CLCN7: variants seen among roughly 807,000 people sequenced by gnomAD.
CLCN7 encodes the protein Cl-/H+ antiporter 7.
A neutral mutation model predicts 102.1 loss-of-function variants in CLCN7; 60 were observed. The ratio of observed to expected loss-of-function variants is 0.59; its 90% CI spans 0.48 to 0.73. The LOEUF is 0.73. CLCN7 is among the 30% of genes least tolerant of loss of function. The pLI, the probability that CLCN7 is intolerant of heterozygous loss-of-function variation, is 0.00. For synonymous variants in CLCN7, 560 were observed against 490.5 expected (o/e 1.14, Z -1.87); for missense variants, 962 against 1,125.7 (o/e 0.85, Z 2.08).
At chr16:1,451,141 G>A (rs940589333) in intron 16 of CLCN7, among the ~76,000 whole-genome samples, 2 of 152,244 alleles carry the variant, frequency 1.3e-5, no homozygotes, top group African/African-American at 4.8e-5. Context: ...CGCGGTCTGC[G>A]CTTCCGTGAA....
In CLCN7 at chr16:1,447,687, G is replaced by A. The variant is rs1210998009; in HGVS notation, c.2041C>T (p.Arg681Cys). The stretch of plus-strand genomic sequence containing the variant: ...TTTAGGAGAACGATGAGCTGGGAGC[G>A]CAGGATCAGGCCCTGGAGCCGGGCA... ...QPARLQGLIL[R>C]SQLIVLLKHK... Residue 681 changes from arginine to cysteine, a missense_variant, in exon 22 of 25, where the codon CGC (arginine) becomes TGC (cysteine). Physicochemically the swap from Arg to Cys is radical, Grantham distance 180. This residue lies in a region of CLCN7 where 799 missense variants were observed against 988.0 expected (regional missense o/e 0.81). Coordinates refer to ENST00000382745, the MANE Select transcript of CLCN7 (RefSeq NM_001287.6). 28 of 1,556,726 alleles carry A rather than the reference G, an allele frequency of 1.8e-5. No homozygotes were observed. Among genetic ancestry groups the A allele is most frequent in the Non-Finnish European group, 1.9e-5 (22 of 1,150,784 alleles).
rs548717047 is a variant in CLCN7 at position 1,457,780 on chromosome 16, CCT to C, written c.676-26_676-25del. 6.2e-7 allele frequency: 1 copy of C among 1,610,168 alleles called. No individual in the cohort carries two copies. The highest frequency in any genetic ancestry group is 1.1e-5 in the South Asian group (1 of 91,024). ...GTCTGAAACACAGGGAGACGCATGG[CCT>C]CTGATGAAAAGGCAGGCGCTGTCTT... On this transcript the variant is annotated intron_variant, in intron 7 of 24. Transcript: ENST00000382745. This position sits in a 1 kb window ranked among gnomAD's most constrained non-coding sequence, Gnocchi z 5.4.
chr16:1,450,344 G>A, intron 17 of CLCN7, 153 bp downstream of exon 17: 2 of 778,590 alleles, frequency 2.6e-6, no homozygotes, highest in East Asian at 2.7e-5. Context: ...AACGCCCACG[G>A]CCCGTGAACC....
intron 17 of CLCN7, chr16:1,450,248 A>T (rs2142370568): frequency 1.8e-6 from 1 of 566,362 alleles, no homozygotes; most frequent in East Asian, 2.9e-5. Flanking sequence ...GAATAAGGAC[A>T]CGAGCCTCCG....
At chr16:1,451,978 G>A (rs1472536779) in intron 15 of CLCN7, 16 of 472,088 alleles carry the variant, frequency 3.4e-5, no homozygotes, top group South Asian at 1.0e-4. Flanking sequence ...CTGGGGGGTG[G>A]GTTAGCAGGA....
chr16:1,465,925 T>C lies in CLCN7; in HGVS notation c.142-587A>G, dbSNP rs148200074. Among the ~76,000 whole-genome samples, 700 of 152,318 alleles carry C rather than the reference T, an allele frequency of 4.6e-3. 6 individuals carry two copies. The highest frequency in any genetic ancestry group is 0.016 in the African/African-American group (650 of 41,576). ...GGGCAGCGGGCCCTGGGTGGCGTGG[T>C]GCAGATGTGACTTACGGAGCTCCCA... is the stretch of plus-strand genomic sequence containing the variant. On this transcript the variant is annotated intron_variant, in intron 1 of 24. Coordinates refer to ENST00000382745, the MANE Select transcript of CLCN7 (RefSeq NM_001287.6).
At chr16:1,472,611 A>G (rs2039092730) in intron 1 of CLCN7, 1 of 152,088 alleles carries the variant, frequency 6.6e-6, no homozygotes, top group Admixed American at 6.6e-5. Flanking sequence ...CAGACAGGAA[A>G]CCCCAAGCAC....
At chr16:1,456,088 T>A (rs113572280) in intron 10 of CLCN7, 25 bp downstream of exon 10, 5 of 1,523,054 alleles carry the variant, frequency 3.3e-6, no homozygotes, top group Middle Eastern at 1.8e-4. Flanking sequence ...GGGCAAAGCA[T>A]TGGACCCGGT....
In CLCN7 at chr16:1,466,400, C is replaced by T. The variant is rs564485685; in HGVS notation, c.142-1062G>A. On this transcript the variant is annotated intron_variant, in intron 1 of 24. Transcript: ENST00000382745. ...TTGGTGATAGAACGGCAGGTGATGG[C>T]GCCAGGAGCCCACAGGGCCGAGGTG... Among the ~76,000 whole-genome samples, 182 of 152,320 alleles carry T rather than the reference C, an allele frequency of 1.2e-3. 1 individual carries two copies. Among genetic ancestry groups the T allele is most frequent in the African/African-American group, 4.0e-3 (167 of 41,572 alleles).
chr16:1,455,365 C>A, intron 11 of CLCN7, 115 bp from the exon 12 acceptor site: 1 of 809,456 alleles, frequency 1.2e-6, no homozygotes, highest in Non-Finnish European at 2.2e-6. Context: ...AGTCTGCAGA[C>A]CCCGCCCAAG....
chr16:1,469,154 C>T (rs1314580724), intron 1 of CLCN7, among the ~76,000 whole-genome samples: 2 of 151,012 alleles, frequency 1.3e-5, no homozygotes, highest in Admixed American at 6.6e-5. Flanking sequence ...TGCAGTGAGC[C>T]GAGATCCTGC....
chr16:1,447,258 G>T lies in CLCN7; in HGVS notation c.2250+134C>A, dbSNP rs186542111. On this transcript the variant is annotated intron_variant, in intron 23 of 24. Coordinates refer to ENST00000382745, the MANE Select transcript of CLCN7 (RefSeq NM_001287.6). ...TGACTTCAGCTCTAAAGCCTGCCAG[G>T]CCCTTCACAGGAGACAGAGTCACCG... 16 of 1,176,488 alleles carry T rather than the reference G, an allele frequency of 1.4e-5. No individual in the cohort carries two copies. The African/African-American group carries it at 2.4e-4, about 18-fold the overall frequency. The allele number at this position is 1,176,488 out of a possible 1,614,324, so 72.9% of individuals were successfully genotyped here. A position where few individuals can be genotyped will look rare whatever the true frequency, so the allele number is the denominator to read the frequency against.
At chr16:1,454,629 G>A (rs1477593104) in intron 12 of CLCN7, among the ~76,000 whole-genome samples, 164 bp from the exon 13 acceptor site, 1 of 152,252 alleles carries the variant, frequency 6.6e-6, no homozygotes, top group Non-Finnish European at 1.5e-5. Flanking sequence ...CACACTGGGT[G>A]TTCTGAGCAG....
intron 23 of CLCN7, 26 bp downstream of exon 23, chr16:1,447,366 C>CGCCCAT (rs1179604034): frequency 5.2e-6 from 8 of 1,537,694 alleles, no homozygotes; most frequent in African/African-American, 4.1e-5. Flanking sequence ...CCAGGCCCCA[C>CGCCCAT]GCCCATGCCC....
chr16:1,448,536 A>G, intron 20 of CLCN7, 52 bp from the exon 21 acceptor site: 1 of 1,603,780 alleles, frequency 6.2e-7, no homozygotes, highest in Non-Finnish European at 8.5e-7. Flanking sequence ...CAACTCCCAC[A>G]GTTACCTCTG....
chr16:1,455,330 C>T (rs2038817746), intron 11 of CLCN7, 80 bp from the exon 12 acceptor site: 1 of 941,994 alleles, frequency 1.1e-6, no homozygotes, highest in Non-Finnish European at 1.8e-6. Context: ...GGACCATCGC[C>T]CCTCCTGTCA....
chr16:1,449,353 G>C, intron 17 of CLCN7, 26 bp from the exon 18 acceptor site: 1 of 1,572,466 alleles, frequency 6.4e-7, no homozygotes, highest in Non-Finnish European at 8.6e-7. Context: ...CGGAGGAGGT[G>C]TCAGTGTGGT....
intron 21 of CLCN7, 97 bp from the exon 22 acceptor site, chr16:1,447,811 A>G (rs1176511343): frequency 7.3e-7 from 1 of 1,367,886 alleles, no homozygotes; most frequent in Non-Finnish European, 1.0e-6. Flanking sequence ...TTCCGGCCAG[A>G]TTTCCCATCT....
intron 1 of CLCN7, among the ~76,000 whole-genome samples, chr16:1,474,543 G>T (rs894124530): frequency 3.9e-5 from 6 of 152,216 alleles, no homozygotes; most frequent in African/African-American, 1.4e-4. Flanking sequence ...CGTGCGCCAC[G>T]GCTGCCCCGG....
Sources: gnomAD v4.1 joint callset for allele counts (sites outside exome capture counted in the v4.1 genomes callset) on GRCh38, gnomAD v4.1.1 for gene constraint, gnomAD v4.1.1 regional missense constraint, Gnocchi (gnomAD v3.1) non-coding constraint, MANE v1.5 for transcripts, NCBI Gene and HGNC (gene_info 2026-07-23, HGNC 2026-07-21) for gene names.